The following ACTR3C variants were observed in gnomAD, a reference collection of about 807,000 sequenced individuals.
The protein encoded by ACTR3C is actin related protein 3C, also known as actin-related protein 3C.
Under a neutral mutation model 26.3 loss-of-function variants are expected in ACTR3C, and 18 were observed. The ratio of observed to expected loss-of-function variants is 0.68; its 90% CI spans 0.47 to 1.01. The LOEUF (loss-of-function observed/expected upper bound fraction) is 1.01, where lower values mean the gene tolerates loss of function less well. Among genes scored for constraint, ACTR3C ranks in the 50% least tolerant of loss-of-function variants. The probability of loss-of-function intolerance (pLI) is 0.00; values close to 1 mark genes in which losing one functional copy is unlikely to be tolerated. For missense variants in ACTR3C, 184 were observed against 250.7 expected, an observed-to-expected ratio of 0.73 and a Z score of 1.80; for synonymous variants, 55 against 94.5, an observed-to-expected ratio of 0.58 and a Z score of 2.42.
the ACTR3C span, among the ~76,000 whole-genome samples, chr7:149,968,381 A>C: frequency 1.3e-5 from 2 of 152,158 alleles, no homozygotes; most frequent in African/African-American, 2.4e-5. Context: ...AAAATACAAA[A>C]AATTAGCCAG....
chr7:149,881,456 C>G, the ACTR3C span: 1 of 152,994 alleles, frequency 6.5e-6, no homozygotes, highest in South Asian at 2.1e-4. Flanking sequence ...ACCGAGGCTG[C>G]CCGTGGTGGG....
chr7:150,183,620 C>G, the ACTR3C span, among the ~76,000 whole-genome samples: 4 of 126,870 alleles, frequency 3.2e-5, 1 homozygote, highest in African/African-American at 1.3e-4. Flanking sequence ...TAAAAGGTGA[C>G]AAACATTTTT....
chr7:150,024,991 C>T, the ACTR3C span, among the ~76,000 whole-genome samples: 4,961 of 152,170 alleles, frequency 0.033, 312 homozygotes, highest in African/African-American at 0.11. Context: ...AGGGCCACAC[C>T]TCTGGAAAGG....
the ACTR3C span, among the ~76,000 whole-genome samples, chr7:150,119,687 T>C: frequency 3.3e-5 from 5 of 152,122 alleles, no homozygotes; most frequent in African/African-American, 1.2e-4. Flanking sequence ...AGACATAAAA[T>C]TAACAAGGAT....
the ACTR3C span, among the ~76,000 whole-genome samples, chr7:149,921,438 T>C: frequency 6.6e-6 from 1 of 152,240 alleles, no homozygotes; most frequent in Admixed American, 6.5e-5. Context: ...GAAATGATTT[T>C]AGTTTTCTAT....
At chr7:150,316,371 T>C (rs1168028664) in intron 1 of ACTR3C, among the ~76,000 whole-genome samples, 9 of 152,214 alleles carry the variant, frequency 5.9e-5, no homozygotes, top group African/African-American at 2.2e-4. Context: ...TTTAAATATA[T>C]GTTGATATGT....
chr7:149,905,712 C>A, the ACTR3C span, among the ~76,000 whole-genome samples: 2 of 151,310 alleles, frequency 1.3e-5, no homozygotes, highest in Non-Finnish European at 2.9e-5. Context: ...TACCAGTAAT[C>A]TGAGAAATAG....
At chr7:150,208,263 G>A in the ACTR3C span, among the ~76,000 whole-genome samples, 15 of 152,120 alleles carry the variant, frequency 9.9e-5, no homozygotes, top group Non-Finnish European at 1.9e-4. Context: ...TACAGTTTGC[G>A]CTAAAGGGTC....
chr7:150,292,577 T>C (rs1836358014), intron 3 of ACTR3C, among the ~76,000 whole-genome samples: 2 of 150,586 alleles, frequency 1.3e-5, no homozygotes, highest in African/African-American at 4.9e-5. Context: ...CTCGGCTCAC[T>C]GCAACCTCCA....
chr7:150,181,965 T>C, the ACTR3C span, among the ~76,000 whole-genome samples: 4 of 150,572 alleles, frequency 2.7e-5, no homozygotes, highest in Admixed American at 6.6e-5. Context: ...AGTCTAGCGA[T>C]AGACAAAATA....
At position 150,274,233 on chromosome 7, in the gene ACTR3C, A is replaced by C. The variant is rs1834674342; in HGVS notation, c.564+10520T>G. ...AGATGGCATTTATTGCACTTCGCCC[A>C]TAATGTGTTTGTTACCAACTGAAGG... is the stretch of plus-strand genomic sequence containing the variant. On this transcript the variant is annotated intron_variant, in intron 6 of 7. Transcript: ENST00000683684. This position sits in a 1 kb window ranked among gnomAD's most constrained non-coding sequence, Gnocchi z 4.1. 6.6e-6 allele frequency among the ~76,000 whole-genome samples: 1 copy of C among 152,212 alleles called. No individual in the cohort carries two copies. The highest frequency in any genetic ancestry group is 1.5e-5 in the Non-Finnish European group (1 of 68,042).
chr7:150,249,561 C>A (rs1222292079), intron 6 of ACTR3C, among the ~76,000 whole-genome samples: 2 of 152,194 alleles, frequency 1.3e-5, no homozygotes, highest in Admixed American at 1.3e-4. Flanking sequence ...TCAAGCCATT[C>A]TCCTGTCTCA....
chr7:150,087,453 T>A, the ACTR3C span, among the ~76,000 whole-genome samples: 1 of 152,160 alleles, frequency 6.6e-6, no homozygotes, highest in East Asian at 1.9e-4. Context: ...AGCAAGTGTT[T>A]TTGGGAAGGG....
the ACTR3C span, among the ~76,000 whole-genome samples, chr7:150,125,014 T>C: frequency 3.2e-3 from 482 of 152,378 alleles, no homozygotes; most frequent in African/African-American, 0.011. Flanking sequence ...TCACGCTTTT[T>C]GACTTCAAAG....
the ACTR3C span, among the ~76,000 whole-genome samples, chr7:150,213,592 G>A: frequency 6.6e-6 from 1 of 152,190 alleles, no homozygotes; most frequent in Non-Finnish European, 1.5e-5. Context: ...AAGCATGATA[G>A]ACTGAGGAAA....
the ACTR3C span, among the ~76,000 whole-genome samples, chr7:150,116,007 G>C: frequency 6.6e-6 from 1 of 152,190 alleles, no homozygotes; most frequent in African/African-American, 2.4e-5. Flanking sequence ...TAAGGGAAAA[G>C]TGTCATAGAA....
the ACTR3C span, among the ~76,000 whole-genome samples, chr7:150,214,476 A>G: frequency 6.6e-6 from 1 of 152,036 alleles, no homozygotes; most frequent in South Asian, 2.1e-4. Context: ...CAGAGGAGAG[A>G]CTCATTAAAT....
the ACTR3C span, among the ~76,000 whole-genome samples, chr7:150,085,055 G>T: frequency 4.6e-5 from 7 of 152,182 alleles, no homozygotes; most frequent in Non-Finnish European, 4.4e-5. Flanking sequence ...TGACCACCTG[G>T]GTTGGTGGTG....
At chr7:149,931,573 A>G in the ACTR3C span, among the ~76,000 whole-genome samples, 1 of 152,170 alleles carries the variant, frequency 6.6e-6, no homozygotes, top group Non-Finnish European at 1.5e-5. Context: ...CCCCAGCACT[A>G]AGGAGCTGCT....
Sources: allele counts gnomAD v4.1 joint callset (sites outside exome capture counted in the v4.1 genomes callset), GRCh38; gene constraint gnomAD v4.1.1; non-coding constraint Gnocchi (gnomAD v3.1); transcripts MANE v1.5; gene names NCBI Gene and HGNC (gene_info 2026-07-23, HGNC 2026-07-21).